The following ANKRD17 variants were observed in gnomAD, a reference collection of about 807,000 sequenced individuals.
ANKRD17 encodes the protein ankyrin repeat domain 17, also known as ankyrin repeat domain-containing protein 17.
In ANKRD17, 19 loss-of-function variants were observed where a neutral mutation model predicts 229.7. The observed-to-expected ratio is 0.08, with a 90% confidence interval of 0.06 to 0.12. The LOEUF is 0.12. Among genes scored for constraint, ANKRD17 ranks in the 10% least tolerant of loss-of-function variants. The pLI, the probability that ANKRD17 is intolerant of heterozygous loss-of-function variation, is 1.00. For missense variants in ANKRD17, 2,176 were observed against 3,176.8 expected (o/e 0.68, Z 7.57); for synonymous variants, 1,112 against 1,146.1 (o/e 0.97, Z 0.60).
At chr4:73,101,590 G>A (rs1234461013) in intron 25 of ANKRD17, among the ~76,000 whole-genome samples, 1 of 146,050 alleles carries the variant, frequency 6.8e-6, no homozygotes, top group Non-Finnish European at 1.5e-5. Context: ...GCTTGAACCC[G>A]GGAAACGGAG....
intron 1 of ANKRD17, among the ~76,000 whole-genome samples, chr4:73,188,470 C>T (rs999603025): frequency 6.6e-6 from 1 of 151,610 alleles, no homozygotes; most frequent in African/African-American, 2.4e-5. Flanking sequence ...CTGTAGTCCC[C>T]GCTACTCAGG....
chr4:73,119,854 CTT>C (rs1560545370), intron 21 of ANKRD17, among the ~76,000 whole-genome samples: 1 of 152,270 alleles, frequency 6.6e-6, no homozygotes, highest in East Asian at 1.9e-4. Flanking sequence ...ACTTTTAAGA[CTT>C]GTGTGTGGGG....
rs1278460610 is a variant in ANKRD17, at chr4:73,091,436, T to C, written c.6192A>G (p.Gly2064=). 2.5e-6 allele frequency: 4 copies of C among 1,614,076 alleles called. No individual in the cohort carries two copies. The African/African-American group carries it at 5.3e-5, about 22-fold the overall frequency. The change falls in exon 29 of 34, where the codon GGA becomes GGG. Residue 2064 remains glycine, a synonymous_variant. Transcript: ENST00000358602. The part of the protein sequence containing the change: ...GVSRNSPLDC[G]SASPNKVASS... ...ATGCCACTTTATTTGGAGATGCTGATCCACAATCCAAAGGGCTGTTTCTAG... is the reference window on the plus strand; with the variant it reads ...ATGCCACTTTATTTGGAGATGCTGACCCACAATCCAAAGGGCTGTTTCTAG...
chr4:73,175,453 A>G (rs946366075), intron 2 of ANKRD17, among the ~76,000 whole-genome samples: 1 of 152,174 alleles, frequency 6.6e-6, no homozygotes, highest in Non-Finnish European at 1.5e-5. Flanking sequence ...CCATATCACA[A>G]TCCTAAAATT....
intron 1 of ANKRD17, among the ~76,000 whole-genome samples, chr4:73,186,179 TA>T (rs1269950256): frequency 2.6e-5 from 4 of 151,998 alleles, no homozygotes; most frequent in Admixed American, 6.5e-5. Context: ...TAAATAAGGG[TA>T]AACTTTGATA....
At position 73,091,746 on chromosome 4, in the gene ANKRD17, G is replaced by A; in HGVS notation, c.5882C>T (p.Ser1961Leu). The A allele has an allele frequency of 1.2e-6, 2 of 1,614,190 alleles. No individual in the cohort carries two copies. Among genetic ancestry groups the A allele is most frequent in the Non-Finnish European group, 8.5e-7 (1 of 1,180,042 alleles). Residue 1961 changes from serine (S) to leucine (L), a missense_variant, in exon 29 of 34, where the codon TCA (serine) becomes TTA (leucine). This residue lies in a region of ANKRD17 where 424 missense variants were observed against 454.0 expected (regional missense o/e 0.93). Coordinates refer to ENST00000358602, the MANE Select transcript of ANKRD17 (RefSeq NM_032217.5). ...NQNSSGSQVN[S>L]AGSLTSSPTT... ...TGGGCTTGAAGTTAAAGAACCTGCTGAATTCACCTGAGAACCACTGCTATT... is the reference window on the plus strand; with the variant it reads ...TGGGCTTGAAGTTAAAGAACCTGCTAAATTCACCTGAGAACCACTGCTATT...
At chr4:73,249,251 C>T (rs146135712) in intron 1 of ANKRD17, among the ~76,000 whole-genome samples, 260 of 152,224 alleles carry the variant, frequency 1.7e-3, no homozygotes, top group African/African-American at 6.1e-3. Flanking sequence ...TATTTCTTCA[C>T]TTTCGTATTT....
intron 1 of ANKRD17, among the ~76,000 whole-genome samples, chr4:73,247,933 T>C (rs1560785585): frequency 6.6e-6 from 1 of 152,042 alleles, no homozygotes; most frequent in Non-Finnish European, 1.5e-5. Flanking sequence ...TTTAGATCTT[T>C]TTGAGTTTGT....
rs1227129272 is a variant in ANKRD17 at position 73,094,216 on chromosome 4, T to A, written c.5190A>T (p.Val1730=). ...WKEVVRRSKK[V]SVPSTVISRV... is the part of the protein sequence containing the mutation. ...TGGATATCACAGTTGATGGAACAGA[T>A]ACTTTCTTTGACCTGTTTAAAAGTT... Residue 1730 remains valine, a synonymous_variant, in exon 28 of 34, where the codon GTA becomes GTT. Coordinates refer to ENST00000358602, the MANE Select transcript of ANKRD17 (RefSeq NM_032217.5). 1 of 1,613,406 alleles carries A rather than the reference T, an allele frequency of 6.2e-7. No individual in the cohort carries two copies.
At chr4:73,114,367 A>C (rs1420957508) in intron 23 of ANKRD17, among the ~76,000 whole-genome samples, 3 of 152,210 alleles carry the variant, frequency 2.0e-5, no homozygotes, top group Admixed American at 1.3e-4. Flanking sequence ...AGATACATGT[A>C]CTTACATAAT....
In ANKRD17 at chr4:73,177,481, G is replaced by A. The variant is rs1209525374; in HGVS notation, c.446C>T (p.Thr149Ile). 2 of 1,613,626 alleles carry A rather than the reference G, an allele frequency of 1.2e-6. No individual in the cohort carries two copies. Among genetic ancestry groups the A allele is most frequent in the Admixed American group, 1.7e-5 (1 of 59,994 alleles). The change falls in exon 2 of 34, where the codon ACA (threonine) becomes ATA (isoleucine). Residue 149 changes from threonine to isoleucine, a missense_variant. Physicochemically the swap from Thr to Ile is moderately conservative, Grantham distance 89. This residue lies in a region of ANKRD17 where 184 missense variants were observed against 357.8 expected (regional missense o/e 0.51). Transcript: ENST00000358602. ...QDDLENPMLE[T>I]ASKLLLSGTA... ...ACCTGATAAGAGCAACTTGGAAGCT[G>A]TTTCCAGCATTGGATTTTCCAAATC... is the stretch of plus-strand genomic sequence containing the variant.
chr4:73,151,244 A>C (rs1730967500), intron 7 of ANKRD17, among the ~76,000 whole-genome samples, 186 bp downstream of exon 7: 2 of 152,226 alleles, frequency 1.3e-5, no homozygotes, highest in East Asian at 1.9e-4. Context: ...TATGAGACTA[A>C]GAAAATGCAG....
chr4:73,097,340 G>A (rs1723416162), intron 26 of ANKRD17, 68 bp from the exon 27 acceptor site: 1 of 1,328,126 alleles, frequency 7.5e-7, no homozygotes, highest in Non-Finnish European at 1.0e-6. Context: ...GATAAAGGTA[G>A]TCTACTACCC....
intron 1 of ANKRD17, among the ~76,000 whole-genome samples, chr4:73,246,432 G>T (rs1394429779): frequency 6.6e-6 from 1 of 152,116 alleles, no homozygotes; most frequent in East Asian, 1.9e-4. Context: ...CTTTCACTTG[G>T]AGCTGTATGT....
At chr4:73,081,175 G>A (rs566219474) in intron 30 of ANKRD17, among the ~76,000 whole-genome samples, 47 of 152,312 alleles carry the variant, frequency 3.1e-4, no homozygotes, top group African/African-American at 1.1e-3. Context: ...CATATGAGCT[G>A]AGCCAATCAC....
intron 27 of ANKRD17, among the ~76,000 whole-genome samples, chr4:73,096,704 C>T (rs1363784747): frequency 6.6e-6 from 1 of 152,086 alleles, no homozygotes; most frequent in African/African-American, 2.4e-5. Flanking sequence ...CCATGCAAAA[C>T]AAAATATTTT....
intron 1 of ANKRD17, 32 bp from the exon 2 acceptor site, chr4:73,177,565 G>A: frequency 1.3e-6 from 2 of 1,554,850 alleles, no homozygotes; most frequent in South Asian, 1.1e-5. Context: ...AGGGAGGAAG[G>A]GAGAAATGAA....
chr4:73,152,229 C>T (rs994922490), intron 6 of ANKRD17, among the ~76,000 whole-genome samples: 1 of 152,072 alleles, frequency 6.6e-6, no homozygotes, highest in African/African-American at 2.4e-5. Context: ...GAATGAGCTA[C>T]AATCAATTCT....
intron 1 of ANKRD17, among the ~76,000 whole-genome samples, chr4:73,182,666 A>G (rs1284006163): frequency 6.6e-6 from 1 of 152,184 alleles, no homozygotes; most frequent in Non-Finnish European, 1.5e-5. Flanking sequence ...ACCTCCTATA[A>G]AGAATTCTTG....
Sources: allele counts gnomAD v4.1 joint callset (sites outside exome capture counted in the v4.1 genomes callset), GRCh38; gene constraint gnomAD v4.1.1; regional missense constraint gnomAD v4.1.1; transcripts MANE v1.5; gene names NCBI Gene and HGNC (gene_info 2026-07-23, HGNC 2026-07-21).